The following RGL4 variants were observed in gnomAD, a reference collection of about 807,000 sequenced individuals.
RGL4 encodes ral-GDS-related protein.
A neutral mutation model predicts 49.6 loss-of-function variants in RGL4; 41 were observed. The observed-to-expected ratio is 0.83, with a 90% CI of 0.64 to 1.07. RGL4 has a LOEUF of 1.07. Among genes scored for constraint, RGL4 ranks in the 50% least tolerant of loss-of-function variants. RGL4 has a pLI of 0.00. For missense variants in RGL4, 610 were observed against 591.9 expected (o/e 1.03, Z -0.32); for synonymous variants, 255 against 238.0 (o/e 1.07, Z -0.66).
chr22:23,698,592 T>C, intron 10 of RGL4: 1 of 724,876 alleles, frequency 1.4e-6, no homozygotes, highest in Non-Finnish European at 2.4e-6. Flanking sequence ...CGTCTCAAAC[T>C]CCTGGCCTCA....
intron 5 of RGL4, 200 bp downstream of exon 5, chr22:23,694,650 T>C: frequency 1.7e-6 from 1 of 603,838 alleles, no homozygotes; most frequent in Non-Finnish European, 3.0e-6. Context: ...TTTTTAACCA[T>C]CAGGAACAGA....
intron 6 of RGL4, chr22:23,695,530 G>T: frequency 2.1e-6 from 1 of 473,060 alleles, no homozygotes. Context: ...GGGGGAGAGG[G>T]GGAACAACAA....
chr22:23,697,120 C>T, intron 7 of RGL4, 51 bp from the exon 8 acceptor site: 1 of 1,402,344 alleles, frequency 7.1e-7, no homozygotes, highest in South Asian at 1.2e-5. Flanking sequence ...ACCTGAGGGC[C>T]AATACTCATC....
At chr22:23,696,337 G>A (rs751832054) in intron 6 of RGL4, 14 of 1,367,820 alleles carry the variant, frequency 1.0e-5, no homozygotes, top group African/African-American at 2.9e-5. Context: ...GAGGGATGAC[G>A]GTGAGAACAA....
intron 8 of RGL4, 109 bp downstream of exon 8, chr22:23,697,354 A>T: frequency 2.4e-6 from 2 of 836,088 alleles, no homozygotes; most frequent in Non-Finnish European, 3.9e-6. Flanking sequence ...CTCCTCTCCT[A>T]AGAGCCTCAC....
rs147460979 is a variant in RGL4 at position 23,696,639 on chromosome 22, A to T, written c.1112A>T (p.Gln371Leu). 6.2e-7 allele frequency: 1 copy of T among 1,613,784 alleles called. No homozygotes were observed. Among genetic ancestry groups the T allele is most frequent in the African/African-American group, 1.3e-5 (1 of 75,042 alleles). ...IKAGSFKVAT[Q>L]ERNPQRVQMR... ...GCGGGGAGCTTTAAGGTGGCCACCC[A>T]GGAGAGGAACCCCCAGAGAGTCCAG... Residue 371 changes from glutamine (Q) to leucine (L), a missense_variant, in exon 7 of 11, where the codon CAG becomes CTG. Gln to Leu is a moderately radical substitution (Grantham distance 113). Coordinates refer to ENST00000290691, the MANE Select transcript of RGL4 (RefSeq NM_153615.2).
At chr22:23,695,615 G>A (rs1000791273) in intron 6 of RGL4, 7 of 348,444 alleles carry the variant, frequency 2.0e-5, no homozygotes, top group African/African-American at 1.1e-4. Context: ...GGGGACAGAC[G>A]TAGCTGTTTG....
At chr22:23,696,984 A>T (rs1923548168) in intron 7 of RGL4, among the ~76,000 whole-genome samples, 187 bp from the exon 8 acceptor site, 1 of 152,202 alleles carries the variant, frequency 6.6e-6, no homozygotes, top group South Asian at 2.1e-4. Flanking sequence ...GTCAGCTGGG[A>T]TACAGGAGGC....
rs139022567 is a variant in RGL4 at position 23,692,761 on chromosome 22, C to A, written c.466C>A (p.Pro156Thr). 60 of 1,613,492 alleles carry A rather than the reference C, an allele frequency of 3.7e-5. No individual in the cohort carries two copies. The African/African-American group carries it at 7.2e-4, about 19-fold the overall frequency. Residue 156 changes from proline to threonine, a missense_variant, in exon 3 of 11, where the codon CCA becomes ACA. By Grantham distance (38) the Pro-to-Thr change is conservative. Transcript: ENST00000290691. The part of the protein sequence containing the change: ...LLADLGPALE[P>T]ESPAALGPPG... Reference sequence around the variant, plus strand: ...GGCGGACCTGGGGCCTGCTCTGGAGCCAGAGTCACCTGCAGCCCTGGGTCC... The same window carrying A: ...GGCGGACCTGGGGCCTGCTCTGGAGACAGAGTCACCTGCAGCCCTGGGTCC...
intron 6 of RGL4, chr22:23,696,223 G>A: frequency 6.7e-6 from 7 of 1,041,518 alleles, no homozygotes; most frequent in South Asian, 1.8e-5. Flanking sequence ...TTCCTCATCT[G>A]GAAAATGAAG....
rs1923722686 is a variant in RGL4 at position 23,698,983 on chromosome 22, C to T, written c.*100C>T. ...CCAGACCGTAGACACCAGGGAACCACATCTAGGAGGCTGGCAGCTCAGCTG... is the reference window on the plus strand; with the variant it reads ...CCAGACCGTAGACACCAGGGAACCATATCTAGGAGGCTGGCAGCTCAGCTG... On this transcript the variant is annotated 3_prime_UTR_variant, in exon 11 of 11. Coordinates refer to ENST00000290691, the MANE Select transcript of RGL4 (RefSeq NM_153615.2). 4 of 1,562,930 alleles carry T rather than the reference C, an allele frequency of 2.6e-6. No homozygotes were observed. The highest frequency in any genetic ancestry group is 3.5e-6 in the Non-Finnish European group (4 of 1,153,298).
At position 23,697,845 on chromosome 22, in the gene RGL4, C is replaced by A. The variant is rs375983802; in HGVS notation, c.1244C>A (p.Thr415Asn). ...SAIPDDLDGN[T>N]NKRSKEVRVL... ...ACTCTGTCTGCCTTCCAGGGCAACACCAACAAGAGGAGCAAGGTGAGCAGC... is the reference window on the plus strand; with the variant it reads ...ACTCTGTCTGCCTTCCAGGGCAACAACAACAAGAGGAGCAAGGTGAGCAGC... The change falls in exon 9 of 11, where the codon ACC becomes AAC. Residue 415 changes from threonine to asparagine, a missense_variant. Coordinates refer to ENST00000290691, the MANE Select transcript of RGL4 (RefSeq NM_153615.2). 3.1e-5 allele frequency: 50 copies of A among 1,607,200 alleles called. No homozygotes were observed. The highest frequency in any genetic ancestry group is 4.2e-5 in the Non-Finnish European group (49 of 1,177,674).
rs1447234298 is a variant in RGL4 at position 23,691,998 on chromosome 22, C to A, written c.-33C>A. On this transcript the variant is annotated 5_prime_UTR_variant, in exon 1 of 11. Transcript: ENST00000290691. ...CGACATCTGCCCCTTCCCTCCTAAC[C>A]CCAGGACCAGGGGACCCAGATCTGG... 6.2e-7 allele frequency: 1 copy of A among 1,608,540 alleles called. No individual in the cohort carries two copies. The highest frequency in any genetic ancestry group is 8.5e-7 in the Non-Finnish European group (1 of 1,176,460).
rs1402688517 is a variant in RGL4, at chr22:23,692,061, G to A, written c.31G>A (p.Ala11Thr). 1.2e-6 allele frequency: 2 copies of A among 1,614,114 alleles called. No homozygotes were observed. The highest frequency in any genetic ancestry group is 2.2e-5 in the East Asian group (1 of 44,880). MRKLLTNLPA[A>T]AVLSAQVYSA... is the part of the protein sequence containing the mutation. ...GAAGCTGCTCACAAATCTGCCTGCA[G>A]CTGCAGTCTTGAGTGCCCAGGTGTA... Residue 11 changes from alanine to threonine, a missense_variant, in exon 1 of 11, where the codon GCT (alanine) becomes ACT (threonine). Physicochemically the swap from Ala to Thr is moderately conservative, Grantham distance 58. Transcript: ENST00000290691.
At position 23,694,935 on chromosome 22, in the gene RGL4, T is replaced by C. The variant is rs773729146; in HGVS notation, c.1017-15T>C. 7 of 1,609,298 alleles carry C rather than the reference T, an allele frequency of 4.3e-6. No individual in the cohort carries two copies. The highest frequency in any genetic ancestry group is 1.3e-5 in the African/African-American group (1 of 74,912). ...GATTCCCAAATTTACCCTTCTTTCT[T>C]TCCTCTGCCCATAGCAAAAGCATGA... On this transcript the variant is annotated splice_polypyrimidine_tract_variant and intron_variant, in intron 5 of 10. Transcript: ENST00000290691.
At chr22:23,695,824 C>T (rs1015029057) in intron 6 of RGL4, among the ~76,000 whole-genome samples, 2 of 152,196 alleles carry the variant, frequency 1.3e-5, no homozygotes, top group African/African-American at 4.8e-5. Flanking sequence ...CTCTGGAAAA[C>T]CCTGCCATTG....
rs1231524976 is a variant in RGL4 at position 23,691,634 on chromosome 22, A to G, written c.-397A>G. On this transcript the variant is annotated 5_prime_UTR_variant, in exon 1 of 11. Transcript: ENST00000290691. Reference sequence around the variant, plus strand: ...CATGGCCTCCTCTACGTATGGTGGCATCCTCCCAGATTCTGACTAGAATGA... The same window carrying G: ...CATGGCCTCCTCTACGTATGGTGGCGTCCTCCCAGATTCTGACTAGAATGA... The G allele has an allele frequency of 5.1e-6, 1 of 195,478 alleles. No individual in the cohort carries two copies. The allele number at this position is 195,478 out of a possible 1,614,324, so 12.1% of individuals were successfully genotyped here. A position where few individuals can be genotyped will look rare whatever the true frequency, so the allele number is the denominator to read the frequency against.
Position 23,693,183 on chromosome 22 carries a change from G to A in RGL4, c.696+192G>A, listed in dbSNP as rs200832336. The A allele has an allele frequency of 1.4e-4, 139 of 977,418 alleles. No individual in the cohort carries two copies. The East Asian group carries it at 2.8e-3, about 20-fold the overall frequency. The allele number at this position is 977,418 out of a possible 1,614,324, so 60.5% of individuals were successfully genotyped here. A position where few individuals can be genotyped will look rare whatever the true frequency, so the allele number is the denominator to read the frequency against. The stretch of plus-strand genomic sequence containing the variant: ...ACGGCAGAGATGGGACATCACCAGC[G>A]CCAGCTGCACAGAGTGACTGTGCAG... On this transcript the variant is annotated intron_variant, in intron 3 of 10. Transcript: ENST00000290691.
At chr22:23,698,551 A>G (rs1333514173) in intron 10 of RGL4, 1 of 723,974 alleles carries the variant, frequency 1.4e-6, no homozygotes, top group South Asian at 1.5e-5. Flanking sequence ...TTGTTCTGGT[A>G]CAGATGGGGT....
Sources: gnomAD v4.1 joint callset for allele counts (sites outside exome capture counted in the v4.1 genomes callset) on GRCh38, gnomAD v4.1.1 for gene constraint, MANE v1.5 for transcripts, NCBI Gene and HGNC (gene_info 2026-07-23, HGNC 2026-07-21) for gene names.